EYA2: variants seen among roughly 807,000 people sequenced by gnomAD.
The protein encoded by EYA2 is protein phosphatase EYA2.
In EYA2, 31 loss-of-function variants were observed where a neutral mutation model predicts 69.2. The ratio of observed to expected loss-of-function variants is 0.45; its 90% confidence interval spans 0.34 to 0.60. EYA2 has a LOEUF of 0.60. EYA2 is among the 20% of genes least tolerant of loss of function. The probability of loss-of-function intolerance (pLI) is 0.02; values close to 1 mark genes in which losing one functional copy is unlikely to be tolerated. For missense variants in EYA2, 622 were observed against 701.2 expected, an observed-to-expected ratio of 0.89 and a Z score of 1.28; for synonymous variants, 257 against 279.4, an observed-to-expected ratio of 0.92 and a Z score of 0.80.
chr20:47,185,167 G>A (rs2034612470), intron 15 of EYA2, among the ~76,000 whole-genome samples: 1 of 151,800 alleles, frequency 6.6e-6, no homozygotes, highest in Non-Finnish European at 1.5e-5. Context: ...CTCTTCACGA[G>A]TGATGAATCC....
intron 5 of EYA2, among the ~76,000 whole-genome samples, chr20:47,057,367 A>G (rs74944527): frequency 0.015 from 2,356 of 152,266 alleles, 46 homozygotes; most frequent in African/African-American, 0.054. Context: ...GAAATAGACT[A>G]TGAAGCCTGG....
chr20:47,081,276 C>T (rs1230058016), intron 7 of EYA2, among the ~76,000 whole-genome samples: 1 of 151,908 alleles, frequency 6.6e-6, no homozygotes, highest in Non-Finnish European at 1.5e-5. Flanking sequence ...CAAACCCTAT[C>T]AGTGTTATAT....
At chr20:46,984,403 C>T (rs1230756358) in intron 1 of EYA2, among the ~76,000 whole-genome samples, 3 of 151,514 alleles carry the variant, frequency 2.0e-5, no homozygotes, top group African/African-American at 7.3e-5. Flanking sequence ...ATAGAAAACC[C>T]AGTAGAAAAA....
chr20:46,915,915 A>G (rs1418586176), intron 1 of EYA2, among the ~76,000 whole-genome samples: 1 of 152,040 alleles, frequency 6.6e-6, no homozygotes, highest in Non-Finnish European at 1.5e-5. Flanking sequence ...CCAGTTCTAT[A>G]GGGGTGCAGT....
chr20:46,970,128 C>T (rs146448077), intron 1 of EYA2, among the ~76,000 whole-genome samples: 28 of 152,324 alleles, frequency 1.8e-4, no homozygotes, highest in African/African-American at 6.5e-4. Context: ...ACACCGACTG[C>T]AGTTCTTGGT....
intron 9 of EYA2, among the ~76,000 whole-genome samples, chr20:47,101,823 AGAT>A (rs2032430741): frequency 6.6e-6 from 1 of 152,190 alleles, no homozygotes; most frequent in African/African-American, 2.4e-5. Flanking sequence ...AGAGTGACTG[AGAT>A]GAGACCTACA....
chr20:47,081,805 AAAAG>A lies in EYA2; in HGVS notation c.662-7432_662-7429del, dbSNP rs568174342. Among the ~76,000 whole-genome samples the A allele has an allele frequency of 2.8e-3, 421 of 151,482 alleles. 4 individuals are homozygous for A. Among genetic ancestry groups the A allele is most frequent in the African/African-American group, 8.8e-3 (364 of 41,316 alleles). Reference sequence around the variant, plus strand: ...AAAAAAAAAAAAAAGAAGAAAGAAAAAAAGAGAGAGAGAGAGAAAGAAAAAATGT... The same window carrying A: ...AAAAAAAAAAAAAAGAAGAAAGAAAAAGAGAGAGAGAGAAAGAAAAAATGT... On this transcript the variant is annotated intron_variant, in intron 7 of 15. Transcript: ENST00000327619.
At position 46,991,968 on chromosome 20, in the gene EYA2, CA is replaced by C. The variant is rs36163121; in HGVS notation, c.109+1867del. Among the ~76,000 whole-genome samples the C allele has an allele frequency of 8.8e-4, 70 of 79,266 alleles. 1 individual carries two copies. The highest frequency in any genetic ancestry group is 3.7e-3 in the East Asian group (10 of 2,724). 52.0% of individuals were successfully genotyped at this position (79,266 alleles called of 152,430 possible). A position where few individuals can be genotyped will look rare whatever the true frequency, so the allele number is the denominator to read the frequency against. Reference sequence around the variant, plus strand: ...GGGCGACAGACGTGAGACTCCGTCTCAAAAAAAAAAAAAAAAAACGCTGAAA... The same window carrying C: ...GGGCGACAGACGTGAGACTCCGTCTCAAAAAAAAAAAAAAAAACGCTGAAA... On this transcript the variant is annotated intron_variant, in intron 2 of 15. Coordinates refer to ENST00000327619, the MANE Select transcript of EYA2 (RefSeq NM_005244.5).
At chr20:46,959,591 A>C (rs1053428914) in intron 1 of EYA2, among the ~76,000 whole-genome samples, 2 of 151,846 alleles carry the variant, frequency 1.3e-5, no homozygotes, top group Admixed American at 1.3e-4. Context: ...CTCCTGCATC[A>C]CTCTGCCGTT....
chr20:46,990,070 G>T lies in EYA2; in HGVS notation c.60G>T (p.Leu20=). 1 of 1,612,854 alleles carries T rather than the reference G, an allele frequency of 6.2e-7. No homozygotes were observed. The highest frequency in any genetic ancestry group is 1.1e-5 in the South Asian group (1 of 91,026). The change falls in exon 2 of 16, where the codon CTG becomes CTT. Residue 20 remains leucine, a synonymous_variant. Coordinates refer to ENST00000327619, the MANE Select transcript of EYA2 (RefSeq NM_005244.5). Reference sequence around the variant, plus strand: ...TAAACAGCGATTGTCTGGATAAACTGAAGTTTAACCGTGCTGACGCTGCTG... The same window carrying T: ...TAAACAGCGATTGTCTGGATAAACTTAAGTTTAACCGTGCTGACGCTGCTG... ...LTVNSDCLDK[L]KFNRADAAVW...
intron 6 of EYA2, among the ~76,000 whole-genome samples, chr20:47,073,516 C>A (rs2031396101): frequency 6.6e-6 from 1 of 150,652 alleles, no homozygotes; most frequent in African/African-American, 2.4e-5. Flanking sequence ...GCAGTGTGGT[C>A]TTAATTGTTA....
chr20:46,913,752 T>G (rs6018163), intron 1 of EYA2, among the ~76,000 whole-genome samples: 3,151 of 152,206 alleles, frequency 0.021, 120 homozygotes, highest in African/African-American at 0.072. Flanking sequence ...GCCTCTGGGC[T>G]GGGCATTTGG....
intron 1 of EYA2, among the ~76,000 whole-genome samples, chr20:46,974,974 C>G (rs1317937991): frequency 6.6e-6 from 1 of 152,006 alleles, no homozygotes; most frequent in African/African-American, 2.4e-5. Flanking sequence ...ATGTGTTTTT[C>G]TAAAAAGCTG....
At chr20:46,987,921 T>TCTCTCC (rs1981345361) in intron 1 of EYA2, among the ~76,000 whole-genome samples, 1 of 20,990 alleles carries the variant, frequency 4.8e-5, no homozygotes, top group Non-Finnish European at 8.1e-5. Flanking sequence ...AGTAAGTCTC[T>TCTCTCC]CTCTCTCTCT....
At chr20:46,963,084 G>A (rs926425999) in intron 1 of EYA2, among the ~76,000 whole-genome samples, 4 of 152,234 alleles carry the variant, frequency 2.6e-5, no homozygotes, top group African/African-American at 9.6e-5. Context: ...GCCTCAGCAG[G>A]ACTAAGCCCC....
At chr20:46,944,144 AGGGAGC>A (rs986389594) in intron 1 of EYA2, among the ~76,000 whole-genome samples, 1 of 152,156 alleles carries the variant, frequency 6.6e-6, no homozygotes, top group Non-Finnish European at 1.5e-5. Context: ...GCCAGGACAG[AGGGAGC>A]CAGGTGAGGG....
chr20:46,985,055 A>G (rs1443690458), intron 1 of EYA2, among the ~76,000 whole-genome samples: 3 of 152,248 alleles, frequency 2.0e-5, no homozygotes, highest in African/African-American at 7.2e-5. Context: ...TGCCACACAT[A>G]AAACAACATG....
At chr20:46,997,701 C>T (rs1982115130) in intron 2 of EYA2, 1 of 152,350 alleles carries the variant, frequency 6.6e-6, no homozygotes. Context: ...CCTCCATTGA[C>T]CTTGACCTCA....
intron 4 of EYA2, among the ~76,000 whole-genome samples, chr20:47,012,094 C>G (rs570224355): frequency 1.3e-5 from 2 of 152,314 alleles, no homozygotes; most frequent in African/African-American, 4.8e-5. Context: ...ATCTCCTGAC[C>G]TGTTGCAGGT....
Sources: gnomAD v4.1 joint callset for allele counts (sites outside exome capture counted in the v4.1 genomes callset) on GRCh38, gnomAD v4.1.1 for gene constraint, MANE v1.5 for transcripts, NCBI Gene and HGNC (gene_info 2026-07-23, HGNC 2026-07-21) for gene names.